Variants in GRIN2B observed in about 807,000 individuals in gnomAD.
GRIN2B encodes the protein glutamate ionotropic receptor NMDA type subunit 2B.
GRIN2B carries 5 observed loss-of-function variants against 114.5 expected under a neutral mutation model. The observed-to-expected ratio is 0.04, with a 90% CI of 0.02 to 0.09. The LOEUF (loss-of-function observed/expected upper bound fraction) is 0.09, where lower values mean the gene tolerates loss of function less well. Ranked by LOEUF, GRIN2B falls within the 10% of genes least tolerant of loss-of-function variation. The pLI is 1.00. For missense variants in GRIN2B, 1,108 were observed against 1,943.5 expected (o/e 0.57, Z 8.08); for synonymous variants, 787 against 745.1 (o/e 1.06, Z -0.92).
intron 3 of GRIN2B, among the ~76,000 whole-genome samples, chr12:13,825,493 A>ATATATATT (rs1555144006): frequency 1.1e-4 from 3 of 28,130 alleles, no homozygotes; most frequent in Admixed American, 4.2e-4. Flanking sequence ...ATATATATAT[A>ATATATATT]TTTTGTGTGT....
At chr12:13,619,740 G>A (rs1697898178) in intron 5 of GRIN2B, among the ~76,000 whole-genome samples, 1 of 152,216 alleles carries the variant, frequency 6.6e-6, no homozygotes, top group South Asian at 2.1e-4. Context: ...ATCACAGTGA[G>A]CCTGTGAGAT....
chr12:13,868,454 G>A (rs922670515), intron 2 of GRIN2B, among the ~76,000 whole-genome samples: 1 of 136,736 alleles, frequency 7.3e-6, no homozygotes, highest in Non-Finnish European at 1.6e-5. Flanking sequence ...TGTGGACAAA[G>A]TACACACACA....
chr12:13,925,085 C>T (rs918256721), intron 2 of GRIN2B, among the ~76,000 whole-genome samples: 3 of 152,184 alleles, frequency 2.0e-5, no homozygotes, highest in Non-Finnish European at 2.9e-5. Context: ...TCATTTAATG[C>T]ACACCTGAAA....
chr12:13,605,520 GTCTCTC>G (rs3081918), intron 10 of GRIN2B, among the ~76,000 whole-genome samples: 5 of 114,952 alleles, frequency 4.3e-5, no homozygotes, highest in South Asian at 3.5e-4. Context: ...GGTCTTGAAA[GTCTCTC>G]TCTCTCTCTC....
At position 13,563,653 on chromosome 12, in the gene GRIN2B, T is replaced by C; in HGVS notation, c.3585A>G (p.Ala1195=). 1 of 1,613,800 alleles carries C rather than the reference T, an allele frequency of 6.2e-7. No homozygotes were observed. The change falls in exon 14 of 14, where the codon GCA becomes GCG. Residue 1195 remains alanine, a synonymous_variant. Coordinates refer to ENST00000609686, the MANE Select transcript of GRIN2B (RefSeq NM_000834.5). The stretch of plus-strand genomic sequence containing the variant: ...CGTTGGTCAGGTTCTTCTCCCAAGG[T>C]GCAGGTACCCCGCTGACCACGCCGT... ...DKHGVVSGVP[A]PWEKNLTNVE... is the part of the protein sequence containing the mutation.
Position 13,553,343 on chromosome 12 carries a change from C to G in GRIN2B, c.*9440G>C, listed in dbSNP as rs1052747935. On this transcript the variant is annotated 3_prime_UTR_variant, in exon 14 of 14. Coordinates refer to ENST00000609686, the MANE Select transcript of GRIN2B (RefSeq NM_000834.5). ...AAGGAGTAGTTTAGAGACTAGCATT[C>G]TCTCTGAGCCAGCTCATTCAAATCC... The G allele has an allele frequency of 2.0e-5, 3 of 152,212 alleles. No individual in the cohort carries two copies. The highest frequency in any genetic ancestry group is 7.2e-5 in the African/African-American group (3 of 41,458). The allele number at this position is 152,212 out of a possible 1,614,324, so 9.4% of individuals were successfully genotyped here. A position where few individuals can be genotyped will look rare whatever the true frequency, so the allele number is the denominator to read the frequency against.
rs1948468253 is a variant in GRIN2B, at chr12:13,555,469, A to G, written c.*7314T>C. 1 of 152,156 alleles carries G rather than the reference A, an allele frequency of 6.6e-6. No homozygotes were observed. Among genetic ancestry groups the G allele is most frequent in the Non-Finnish European group, 1.5e-5 (1 of 68,038 alleles). The allele number at this position is 152,156 out of a possible 1,614,324, so 9.4% of individuals were successfully genotyped here. On this transcript the variant is annotated 3_prime_UTR_variant, in exon 14 of 14. Transcript: ENST00000609686. ...TTCAAGAGTCAAATTGGATTGAGAG[A>G]TTTGTCTTTAGAGATAGTTGTAGGA...
At chr12:13,930,217 C>T (rs991470051) in intron 2 of GRIN2B, among the ~76,000 whole-genome samples, 1 of 152,096 alleles carries the variant, frequency 6.6e-6, no homozygotes. Context: ...ATAAATAATA[C>T]AAGTTATTAA....
chr12:13,958,904 T>C (rs771695556), intron 2 of GRIN2B, among the ~76,000 whole-genome samples: 2 of 152,166 alleles, frequency 1.3e-5, no homozygotes, highest in Non-Finnish European at 2.9e-5. Flanking sequence ...ACGTCATTTA[T>C]TGAAGTCCTC....
chr12:13,807,886 G>A (rs1484191225), intron 3 of GRIN2B, among the ~76,000 whole-genome samples: 2 of 151,934 alleles, frequency 1.3e-5, no homozygotes, highest in Non-Finnish European at 2.9e-5. Flanking sequence ...CCCAGCTTAG[G>A]ATGGCTCCTC....
chr12:13,742,037 T>C (rs540845690), intron 4 of GRIN2B, among the ~76,000 whole-genome samples: 1 of 152,354 alleles, frequency 6.6e-6, no homozygotes, highest in East Asian at 1.9e-4. Context: ...AGCATTTTAA[T>C]GGAAAATTTC....
chr12:13,739,574 T>C (rs1210186682), intron 4 of GRIN2B, among the ~76,000 whole-genome samples: 1 of 152,064 alleles, frequency 6.6e-6, no homozygotes, highest in Non-Finnish European at 1.5e-5. Context: ...AGATGGTGAA[T>C]ACCTGGGCTG....
At chr12:13,894,631 TTA>T (rs1170116185) in intron 2 of GRIN2B, among the ~76,000 whole-genome samples, 1 of 152,138 alleles carries the variant, frequency 6.6e-6, no homozygotes, top group Non-Finnish European at 1.5e-5. Flanking sequence ...CACAATGAAC[TTA>T]TGTTATTTTT....
intron 2 of GRIN2B, among the ~76,000 whole-genome samples, chr12:13,950,173 T>G (rs1018291275): frequency 3.9e-5 from 6 of 152,224 alleles, no homozygotes; most frequent in African/African-American, 1.4e-4. Flanking sequence ...TATGGAAGAA[T>G]AGCCAGTCAA....
chr12:13,774,144 T>C (rs1863958763), intron 3 of GRIN2B, among the ~76,000 whole-genome samples: 1 of 152,196 alleles, frequency 6.6e-6, no homozygotes, highest in Non-Finnish European at 1.5e-5. Flanking sequence ...TTTCTGTTAA[T>C]ATGAGCAGAC....
intron 4 of GRIN2B, among the ~76,000 whole-genome samples, chr12:13,706,012 C>T (rs1245574440): frequency 2.0e-5 from 3 of 152,052 alleles, no homozygotes; most frequent in East Asian, 1.9e-4. Context: ...AAGAACCTCC[C>T]GGCTGATTAA....
chr12:13,690,892 G>A (rs567712218), intron 4 of GRIN2B, among the ~76,000 whole-genome samples: 7 of 152,184 alleles, frequency 4.6e-5, no homozygotes, highest in Non-Finnish European at 2.9e-5. Context: ...CTTTACTAAC[G>A]TAAATCATTT....
At chr12:13,664,154 A>G (rs1413322721) in intron 5 of GRIN2B, among the ~76,000 whole-genome samples, 1 of 152,182 alleles carries the variant, frequency 6.6e-6, no homozygotes, top group African/African-American at 2.4e-5. Context: ...CAAGAATCCA[A>G]GGTCAAGAGA....
chr12:13,662,953 G>A (rs1591664484), intron 5 of GRIN2B, among the ~76,000 whole-genome samples: 1 of 152,274 alleles, frequency 6.6e-6, no homozygotes, highest in South Asian at 2.1e-4. Flanking sequence ...ACTTCTCCTT[G>A]TGAAAAGGAA....
Sources: gnomAD v4.1 joint callset for allele counts (sites outside exome capture counted in the v4.1 genomes callset) on GRCh38, gnomAD v4.1.1 for gene constraint, MANE v1.5 for transcripts, NCBI Gene and HGNC (gene_info 2026-07-23, HGNC 2026-07-21) for gene names.